The following DGKB variants were observed in gnomAD, a reference collection of about 807,000 sequenced individuals.
The protein encoded by DGKB is diacylglycerol kinase beta, also known as 90 kDa diacylglycerol kinase.
DGKB carries 67 observed loss-of-function variants against 114.3 expected under a neutral mutation model. The observed-to-expected ratio is 0.59, with a 90% CI of 0.48 to 0.72. DGKB has a LOEUF of 0.72. DGKB is among the 30% of genes least tolerant of loss of function. The probability of loss-of-function intolerance (pLI) is 0.00; values close to 1 mark genes in which losing one functional copy is unlikely to be tolerated. For synonymous variants in DGKB, 398 were observed against 323.1 expected, an observed-to-expected ratio of 1.23 and a Z score of -2.49; for missense variants, 907 against 975.2, an observed-to-expected ratio of 0.93 and a Z score of 0.93.
chr7:14,899,452 T>G (rs1782634184), intron 1 of DGKB, among the ~76,000 whole-genome samples: 1 of 152,096 alleles, frequency 6.6e-6, no homozygotes, highest in South Asian at 2.1e-4. Flanking sequence ...ATCTCTACCC[T>G]ACACACACAC....
At chr7:14,636,095 A>G (rs944897679) in intron 13 of DGKB, among the ~76,000 whole-genome samples, 1 of 151,758 alleles carries the variant, frequency 6.6e-6, no homozygotes, top group Admixed American at 6.6e-5. Flanking sequence ...ATCTCATGCC[A>G]AAGTATTTTC....
chr7:14,266,167 G>A (rs1198068055), intron 23 of DGKB, among the ~76,000 whole-genome samples: 2 of 152,098 alleles, frequency 1.3e-5, no homozygotes, highest in Non-Finnish European at 2.9e-5. Context: ...CTTATAGCTG[G>A]TTTTAAAATA....
At chr7:14,201,477 G>A (rs1785864277) in intron 23 of DGKB, among the ~76,000 whole-genome samples, 3 of 151,926 alleles carry the variant, frequency 2.0e-5, no homozygotes, top group Non-Finnish European at 4.4e-5. Flanking sequence ...CTGTGACCAG[G>A]TGCATGAGAG....
At chr7:14,831,119 A>G (rs1274220245) in intron 2 of DGKB, among the ~76,000 whole-genome samples, 1 of 151,956 alleles carries the variant, frequency 6.6e-6, no homozygotes, top group East Asian at 1.9e-4. Context: ...GTAGGGCACA[A>G]ATAAGATGTA....
At chr7:14,274,856 T>G (rs559002886) in intron 23 of DGKB, among the ~76,000 whole-genome samples, 4 of 152,042 alleles carry the variant, frequency 2.6e-5, no homozygotes, top group Non-Finnish European at 5.9e-5. Flanking sequence ...TCATTACCTC[T>G]AAAAGGCCTC....
At chr7:14,772,667 C>T (rs569826016) in intron 2 of DGKB, among the ~76,000 whole-genome samples, 3 of 152,140 alleles carry the variant, frequency 2.0e-5, no homozygotes, top group Admixed American at 1.3e-4. Context: ...GTTACACTGA[C>T]ACCAAGAAAG....
At chr7:14,299,375 C>A (rs768394395) in intron 23 of DGKB, among the ~76,000 whole-genome samples, 6 of 152,068 alleles carry the variant, frequency 3.9e-5, no homozygotes, top group Non-Finnish European at 7.4e-5. Flanking sequence ...ATCCCTTCCC[C>A]AATGTATCAC....
At chr7:14,901,407 G>C (rs1016520174) in intron 1 of DGKB, among the ~76,000 whole-genome samples, 5 of 152,076 alleles carry the variant, frequency 3.3e-5, no homozygotes, top group Non-Finnish European at 7.4e-5. Context: ...CACAAATTTT[G>C]AAGCTTCTTC....
At chr7:14,514,015 A>G (rs1016615612) in intron 20 of DGKB, among the ~76,000 whole-genome samples, 1 of 151,982 alleles carries the variant, frequency 6.6e-6, no homozygotes, top group Non-Finnish European at 1.5e-5. Flanking sequence ...TTTTTTATCA[A>G]TGTAAATTAA....
chr7:14,916,510 G>A (rs1210203917), intron 1 of DGKB, among the ~76,000 whole-genome samples: 1 of 151,976 alleles, frequency 6.6e-6, no homozygotes. Context: ...ATTAATTTCA[G>A]ACAAAGTCTA....
intron 1 of DGKB, among the ~76,000 whole-genome samples, chr7:14,855,459 A>G (rs41423846): frequency 0.53 from 80,137 of 151,582 alleles, 23,974 homozygotes; most frequent in East Asian, 0.93. Context: ...GATTACATAA[A>G]CCTGTATTTG....
intron 20 of DGKB, among the ~76,000 whole-genome samples, chr7:14,491,270 C>A (rs1005505469): frequency 6.6e-6 from 1 of 151,994 alleles, no homozygotes; most frequent in Non-Finnish European, 1.5e-5. Flanking sequence ...CTCATGAGAT[C>A]TGATGGTTTT....
intron 1 of DGKB, among the ~76,000 whole-genome samples, chr7:14,931,812 C>G (rs1394558614): frequency 1.3e-5 from 2 of 151,850 alleles, no homozygotes; most frequent in Non-Finnish European, 2.9e-5. Context: ...TCAGGAGCAA[C>G]TCTTCAACTG....
intron 2 of DGKB, among the ~76,000 whole-genome samples, chr7:14,776,488 T>G (rs1388086734): frequency 6.6e-6 from 1 of 152,170 alleles, no homozygotes; most frequent in Non-Finnish European, 1.5e-5. Context: ...GTGTGCAGCC[T>G]AGGGACTTGG....
intron 21 of DGKB, among the ~76,000 whole-genome samples, chr7:14,362,911 C>G (rs1816010272): frequency 6.6e-6 from 1 of 152,054 alleles, no homozygotes; most frequent in Admixed American, 6.6e-5. Flanking sequence ...TTTCTAGGCC[C>G]TCTTGAATCA....
At chr7:14,688,499 T>G (rs1162146531) in intron 9 of DGKB, among the ~76,000 whole-genome samples, 1 of 152,202 alleles carries the variant, frequency 6.6e-6, no homozygotes. Flanking sequence ...TCACCCTCAT[T>G]GGGTTGTGTT....
chr7:14,425,810 C>T (rs1367776), intron 21 of DGKB, among the ~76,000 whole-genome samples: 36,270 of 151,960 alleles, frequency 0.24, 5,145 homozygotes, highest in East Asian at 0.49. Flanking sequence ...TTCTTTGGTG[C>T]CTAATCAGTG....
chr7:14,236,113 T>C (rs568959574), intron 23 of DGKB, among the ~76,000 whole-genome samples: 157 of 152,082 alleles, frequency 1.0e-3, no homozygotes, highest in African/African-American at 3.5e-3. Flanking sequence ...AAGAAAAAAA[T>C]TGAGAGTGAT....
At chr7:14,551,125 C>G (rs1342607586) in intron 20 of DGKB, among the ~76,000 whole-genome samples, 1 of 152,130 alleles carries the variant, frequency 6.6e-6, no homozygotes, top group Non-Finnish European at 1.5e-5. Context: ...TTTTCCTACA[C>G]TGGCAGAATA....
Sources: allele counts gnomAD v4.1 joint callset (sites outside exome capture counted in the v4.1 genomes callset), GRCh38; gene constraint gnomAD v4.1.1; transcripts MANE v1.5; gene names NCBI Gene and HGNC (gene_info 2026-07-23, HGNC 2026-07-21).